CCDC148: variants seen among roughly 807,000 people sequenced by gnomAD.
CCDC148 encodes the protein coiled-coil domain-containing protein 148.
In CCDC148, 89 loss-of-function variants were observed where a neutral mutation model predicts 85.7. The observed-to-expected ratio is 1.04, with a 90% CI of 0.87 to 1.24. The LOEUF is 1.24. CCDC148 is among the 50% of genes most tolerant of loss of function. The pLI is 0.00. For synonymous variants in CCDC148, 230 were observed against 213.9 expected (o/e 1.08, Z -0.66); for missense variants, 692 against 671.7 (o/e 1.03, Z -0.33).
intron 2 of CCDC148, among the ~76,000 whole-genome samples, chr2:158,354,362 T>C (rs1413112526): frequency 2.0e-5 from 3 of 151,678 alleles, no homozygotes; most frequent in Non-Finnish European, 4.4e-5. Flanking sequence ...GAGAGAAGAA[T>C]CTAATAGACA....
At chr2:158,273,374 T>C (rs1470965226) in intron 9 of CCDC148, among the ~76,000 whole-genome samples, 2 of 152,180 alleles carry the variant, frequency 1.3e-5, no homozygotes, top group African/African-American at 2.4e-5. Flanking sequence ...GAAATCATAT[T>C]TATATTTGTG....
intron 11 of CCDC148, among the ~76,000 whole-genome samples, 168 bp from the exon 12 acceptor site, chr2:158,179,164 C>CA (rs1684747423): frequency 4.8e-5 from 3 of 62,048 alleles, no homozygotes; most frequent in Non-Finnish European, 7.2e-5. Flanking sequence ...ATATAAAATG[C>CA]AATTTTTTTT....
At chr2:158,240,450 TCTCACA>T (rs755938654) in intron 10 of CCDC148, among the ~76,000 whole-genome samples, 22,111 of 91,990 alleles carry the variant, frequency 0.24, 1,978 homozygotes, top group Admixed American at 0.36. Context: ...TCTCTCTCTC[TCTCACA>T]CACACACACA....
chr2:158,354,255 CA>C (rs1168373614), intron 2 of CCDC148, among the ~76,000 whole-genome samples: 2 of 151,832 alleles, frequency 1.3e-5, no homozygotes, highest in Admixed American at 6.6e-5. Context: ...AATAGAGACA[CA>C]AAAAACCCTT....
intron 9 of CCDC148, among the ~76,000 whole-genome samples, chr2:158,292,302 T>C (rs1212866851): frequency 6.6e-6 from 1 of 152,170 alleles, no homozygotes. Flanking sequence ...TATAATCAGC[T>C]TGGCAAGGAA....
chr2:158,350,607 T>C (rs1683213745), intron 2 of CCDC148, among the ~76,000 whole-genome samples: 1 of 152,214 alleles, frequency 6.6e-6, no homozygotes, highest in African/African-American at 2.4e-5. Context: ...AAAGTATCTA[T>C]GCTTGAAGTA....
intron 3 of CCDC148, 58 bp from the exon 4 acceptor site, chr2:158,340,738 A>T (rs559374042): frequency 1.0e-6 from 1 of 997,436 alleles, no homozygotes; most frequent in Non-Finnish European, 1.5e-6. Context: ...CTAGGTTTTT[A>T]AAAAATAACC....
chr2:158,286,532 T>C (rs996990411), intron 9 of CCDC148, among the ~76,000 whole-genome samples: 1 of 152,154 alleles, frequency 6.6e-6, no homozygotes, highest in African/African-American at 2.4e-5. Context: ...AATGCAAAGG[T>C]TCAAGAGTTA....
At chr2:158,199,198 T>C (rs544503959) in intron 11 of CCDC148, among the ~76,000 whole-genome samples, 1 of 152,288 alleles carries the variant, frequency 6.6e-6, no homozygotes, top group African/African-American at 2.4e-5. Flanking sequence ...AATTTTCTTA[T>C]AGTTTTAATG....
At chr2:158,351,493 C>T (rs956205914) in intron 2 of CCDC148, among the ~76,000 whole-genome samples, 3 of 151,274 alleles carry the variant, frequency 2.0e-5, no homozygotes, top group African/African-American at 7.3e-5. Flanking sequence ...GGGTCACTCC[C>T]ACCTGAATAC....
At chr2:158,240,448 T>TCACACA (rs1419458254) in intron 10 of CCDC148, among the ~76,000 whole-genome samples, 2 of 47,796 alleles carry the variant, frequency 4.2e-5, no homozygotes, top group African/African-American at 1.0e-4. Context: ...TCTCTCTCTC[T>TCACACA]CTCTCACACA....
intron 11 of CCDC148, among the ~76,000 whole-genome samples, chr2:158,190,293 A>G (rs1685361181): frequency 6.6e-6 from 1 of 152,010 alleles, no homozygotes; most frequent in Non-Finnish European, 1.5e-5. Flanking sequence ...ATTATTTATC[A>G]TGAACTGAAA....
chr2:158,215,081 C>G (rs1328484129), intron 11 of CCDC148, among the ~76,000 whole-genome samples: 2 of 151,802 alleles, frequency 1.3e-5, no homozygotes, highest in African/African-American at 4.8e-5. Flanking sequence ...AAACATAGAT[C>G]AGTTTTTAAT....
chr2:158,301,032 A>T (rs985172890), intron 9 of CCDC148, among the ~76,000 whole-genome samples: 1 of 152,192 alleles, frequency 6.6e-6, no homozygotes, highest in African/African-American at 2.4e-5. Flanking sequence ...TTTTTTAAAC[A>T]CTTTTTTGTA....
chr2:158,250,725 C>A, intron 10 of CCDC148, 47 bp downstream of exon 10: 1 of 1,491,428 alleles, frequency 6.7e-7, no homozygotes, highest in Non-Finnish European at 8.9e-7. Context: ...CTCAATCAGG[C>A]CATTAAGCAT....
chr2:158,280,743 C>A (rs1009812511), intron 9 of CCDC148, among the ~76,000 whole-genome samples: 3 of 152,166 alleles, frequency 2.0e-5, no homozygotes, highest in South Asian at 2.1e-4. Flanking sequence ...ACAAGGATAC[C>A]CAGGAATTGA....
In CCDC148 at chr2:158,456,518, T is replaced by A. The variant is rs1036565863; in HGVS notation, c.-79A>T. 3 of 1,546,406 alleles carry A rather than the reference T, an allele frequency of 1.9e-6. No individual in the cohort carries two copies. The highest frequency in any genetic ancestry group is 2.6e-6 in the Non-Finnish European group (3 of 1,141,520). On this transcript the variant is annotated 5_prime_UTR_variant, in exon 1 of 14. The change abolishes the stop of an existing upstream ORF in the 5' untranslated region. Coordinates refer to ENST00000283233, the MANE Select transcript of CCDC148 (RefSeq NM_138803.4). Reference sequence around the variant, plus strand: ...AACGCCCACTCCTGGGCTCTCGCCGTCAGGGGTACATCTAAGGGCTCAGCT... The same window carrying A: ...AACGCCCACTCCTGGGCTCTCGCCGACAGGGGTACATCTAAGGGCTCAGCT...
Position 158,368,754 on chromosome 2 carries a change from G to C in CCDC148, c.26-10184C>G, listed in dbSNP as rs535169888. On this transcript the variant is annotated intron_variant, in intron 1 of 13. Transcript: ENST00000283233. ...GTGAAAAGTTAATTATTACAGAGTT[G>C]ATGGGGAATCTAAACTTTTGTAAAA... Among the ~76,000 whole-genome samples the C allele has an allele frequency of 2.9e-3, 444 of 152,086 alleles. 4 individuals carry two copies. The highest frequency in any genetic ancestry group is 0.01 in the African/African-American group (430 of 41,526).
intron 9 of CCDC148, among the ~76,000 whole-genome samples, chr2:158,285,010 G>A (rs945672265): frequency 2.0e-5 from 3 of 152,184 alleles, no homozygotes; most frequent in African/African-American, 7.2e-5. Context: ...GCATTAGGCT[G>A]GGCGTGGTGG....
Sources: gnomAD v4.1 joint callset for allele counts (sites outside exome capture counted in the v4.1 genomes callset) on GRCh38, gnomAD v4.1.1 for gene constraint, MANE v1.5 for transcripts, NCBI Gene and HGNC (gene_info 2026-07-23, HGNC 2026-07-21) for gene names.